Variants in HK1 observed in about 807,000 individuals in gnomAD.
HK1 encodes the protein hexokinase-1.
HK1 carries 28 observed loss-of-function variants against 91.6 expected under a neutral mutation model. The observed-to-expected ratio is 0.31, with a 90% confidence interval of 0.23 to 0.42. The LOEUF (loss-of-function observed/expected upper bound fraction) is 0.42. HK1 is among the 10% of genes least tolerant of loss of function. HK1 has a pLI of 1.00. For missense variants in HK1, 770 were observed against 1,219.8 expected (o/e 0.63, Z 5.49); for synonymous variants, 430 against 468.1 (o/e 0.92, Z 1.05).
At chr10:69,328,857 T>A (rs76458478) in intron 1 of HK1, among the ~76,000 whole-genome samples, 4,908 of 152,240 alleles carry the variant, frequency 0.032, 133 homozygotes, top group African/African-American at 0.068. Flanking sequence ...TCTTTTTTTT[T>A]AAATGGATTT....
intron 1 of HK1, chr10:69,338,732 TGA>T: frequency 8.0e-7 from 1 of 1,256,700 alleles, no homozygotes; most frequent in Non-Finnish European, 1.0e-6. Context: ...TGTGTATGTG[TGA>T]GTGTGTGAGA....
chr10:69,351,955 G>T (rs545968524), intron 2 of HK1, among the ~76,000 whole-genome samples: 33 of 152,166 alleles, frequency 2.2e-4, no homozygotes, highest in Admixed American at 2.0e-3. Context: ...CACCTGCGAG[G>T]AGCTACTTCA....
At position 69,324,954 on chromosome 10, in the gene HK1, C is replaced by T. The variant is rs181866022; in HGVS notation, c.63+5944C>T. ...GATTGGTCTTGATTTCTGGAAATAA[C>T]ATTGACTTCTGGTAAACAGTACACA... is the stretch of plus-strand genomic sequence containing the variant. On this transcript the variant is annotated intron_variant, in intron 1 of 17. Transcript: ENST00000359426. 2.0e-5 allele frequency among the ~76,000 whole-genome samples: 3 copies of T among 151,502 alleles called. No homozygotes were observed. The East Asian group carries it at 5.8e-4, about 29-fold the overall frequency.
At chr10:69,281,350 C>G (rs1457484633) in intron 1 of HK1, among the ~76,000 whole-genome samples, 1 of 152,196 alleles carries the variant, frequency 6.6e-6, no homozygotes, top group African/African-American at 2.4e-5. Flanking sequence ...GGGACCAAGC[C>G]AGCCCACTCT....
chr10:69,316,499 A>AT (rs1339555877), upstream of HK1, among the ~76,000 whole-genome samples: 1 of 152,226 alleles, frequency 6.6e-6, no homozygotes, highest in Non-Finnish European at 1.5e-5. Flanking sequence ...CTCAGGAAAT[A>AT]TTGACAGGCC....
Position 69,369,285 on chromosome 10 carries a change from A to C in HK1, c.640A>C (p.Met214Leu). The change falls in exon 6 of 18, where the codon ATG becomes CTG. Residue 214 changes from methionine to leucine, a missense_variant. Met to Leu is a conservative substitution (Grantham distance 15). This residue lies in a region of HK1 where 449 missense variants were observed against 665.1 expected (regional missense o/e 0.68). Coordinates refer to ENST00000359426, the MANE Select transcript of HK1 (RefSeq NM_000188.3). The surrounding 1 kb of genome is among the most constrained non-coding windows in gnomAD (Gnocchi z 4.4). The stretch of plus-strand genomic sequence containing the variant: ...TGTGGTGAATGACACAGTGGGCACC[A>C]TGATGACCTGTGGCTATGACGACCA... ...VAVVNDTVGT[M>L]MTCGYDDQHC... The C allele has an allele frequency of 6.2e-7, 1 of 1,614,252 alleles. No individual in the cohort carries two copies.
intron 1 of HK1, among the ~76,000 whole-genome samples, chr10:69,272,933 A>G (rs140664640): frequency 6.6e-6 from 1 of 150,682 alleles, no homozygotes; most frequent in East Asian, 1.9e-4. Flanking sequence ...AGAGCATTTC[A>G]TCCTGTCTTA....
intron 7 of HK1, among the ~76,000 whole-genome samples, chr10:69,370,895 C>T (rs879660052): frequency 6.6e-6 from 1 of 152,180 alleles, no homozygotes. Flanking sequence ...TCACATTTCT[C>T]TGTGATGCTG....
At chr10:69,307,933 G>C (rs567420045) in intron 5 of HK1, among the ~76,000 whole-genome samples, 1 of 151,854 alleles carries the variant, frequency 6.6e-6, no homozygotes, top group Non-Finnish European at 1.5e-5. Flanking sequence ...CTGCCTCCCC[G>C]GTTCAAGTGA....
At chr10:69,384,700 T>C (rs1290083700) in intron 11 of HK1, 96 bp from the exon 12 acceptor site, 1 of 1,545,328 alleles carries the variant, frequency 6.5e-7, no homozygotes, top group Non-Finnish European at 8.9e-7. Context: ...GGGGTGTGTT[T>C]TCCTACGTGT....
chr10:69,285,050 C>T (rs542328713), intron 2 of HK1, among the ~76,000 whole-genome samples: 1 of 152,182 alleles, frequency 6.6e-6, no homozygotes, highest in Non-Finnish European at 1.5e-5. Context: ...AACTCCTGAC[C>T]TCAGGTGTTC....
At chr10:69,350,766 C>A (rs940255924) in intron 2 of HK1, among the ~76,000 whole-genome samples, 1 of 152,132 alleles carries the variant, frequency 6.6e-6, no homozygotes, top group East Asian at 1.9e-4. Context: ...CCGATCATTT[C>A]ATCTCAGTGT....
intron 14 of HK1, 45 bp downstream of exon 14, chr10:69,389,341 G>C: frequency 1.4e-6 from 2 of 1,431,578 alleles, no homozygotes; most frequent in Non-Finnish European, 1.9e-6. Flanking sequence ...GGGAAGGCTG[G>C]GGTTTCCCCG....
At chr10:69,381,546 C>CTTT (rs35306200) in intron 9 of HK1, among the ~76,000 whole-genome samples, 11,508 of 132,038 alleles carry the variant, frequency 0.087, 604 homozygotes, top group South Asian at 0.17. Context: ...TCATCTTAAC[C>CTTT]TTTTTTTTTT....
chr10:69,370,329 GA>G (rs540685597), intron 7 of HK1, among the ~76,000 whole-genome samples: 7,252 of 144,394 alleles, frequency 0.05, 530 homozygotes, highest in African/African-American at 0.16. Context: ...AGTAGCCCCT[GA>G]AAAAAAAAAA....
chr10:69,317,281 G>A (rs115348222), upstream of HK1, among the ~76,000 whole-genome samples: 1,718 of 152,242 alleles, frequency 0.011, 31 homozygotes, highest in African/African-American at 0.038. Context: ...GAGGTGAGGT[G>A]GGCATTAGTG....
In HK1 at chr10:69,300,676, C is replaced by T. The variant is rs112382043; in HGVS notation, c.-66-93C>T. ...CTGTGATCATCCATGATTTCAAATT[C>T]GCCAATATAACCATGCTTCATCATC... On this transcript the variant is annotated intron_variant, in intron 4 of 21. Coordinates refer to the HK1 transcript ENST00000360289. The T allele has an allele frequency of 1.1e-3, 919 of 809,096 alleles. 32 individuals carry two copies. The African/African-American group carries it at 0.013, about 12-fold the overall frequency. The allele number at this position is 809,096 out of a possible 1,614,324, so 50.1% of individuals were successfully genotyped here.
chr10:69,387,756 A>G (rs1839710488), intron 13 of HK1, among the ~76,000 whole-genome samples: 1 of 152,138 alleles, frequency 6.6e-6, no homozygotes, highest in Admixed American at 6.5e-5. Context: ...TTGTTAGATT[A>G]CAGGTGTGTT....
rs1361423882 is a variant in HK1 at position 69,382,377 on chromosome 10, A to G, written c.1266-110A>G. The G allele has an allele frequency of 4.1e-6, 5 of 1,231,324 alleles. No individual in the cohort carries two copies. In the African/African-American group the frequency reaches 4.5e-5, roughly 11 times the overall value. The allele number at this position is 1,231,324 out of a possible 1,614,324, so 76.3% of individuals were successfully genotyped here. On this transcript the variant is annotated intron_variant, in intron 9 of 17. Transcript: ENST00000359426. ...GTGACAGAGCAAGACCCTGTCTCAA[A>G]AAAAAGGAAAAGAAAAAAGAGTTAA...
Sources: allele counts gnomAD v4.1 joint callset (sites outside exome capture counted in the v4.1 genomes callset), GRCh38; gene constraint gnomAD v4.1.1; regional missense constraint gnomAD v4.1.1; non-coding constraint Gnocchi (gnomAD v3.1); transcripts MANE v1.5; gene names NCBI Gene and HGNC (gene_info 2026-07-23, HGNC 2026-07-21).